Variants in METTL15 observed in about 807,000 individuals in gnomAD.
METTL15 encodes the protein 12S rRNA N(4)-cytidine methyltransferase METTL15.
A neutral mutation model predicts 38.3 loss-of-function variants in METTL15; 34 were observed. That is an observed-to-expected ratio of 0.89 (90% CI 0.68 to 1.18). The LOEUF (loss-of-function observed/expected upper bound fraction) is 1.18. Among genes scored for constraint, METTL15 ranks in the 50% most tolerant of loss-of-function variants. The pLI, the probability that METTL15 is intolerant of heterozygous loss-of-function variation, is 0.00. For synonymous variants in METTL15, 162 were observed against 170.9 expected, an observed-to-expected ratio of 0.95 and a Z score of 0.41; for missense variants, 438 against 498.4, an observed-to-expected ratio of 0.88 and a Z score of 1.15.
intron 5 of METTL15, among the ~76,000 whole-genome samples, chr11:28,399,363 G>A (rs1850607454): frequency 1.3e-5 from 2 of 151,954 alleles, no homozygotes; most frequent in South Asian, 4.1e-4. Flanking sequence ...TATTTTTCAT[G>A]CATCAAGACT....
chr11:28,214,194 C>T (rs1852767594), intron 4 of METTL15, among the ~76,000 whole-genome samples: 1 of 151,870 alleles, frequency 6.6e-6, no homozygotes, highest in Non-Finnish European at 1.5e-5. Context: ...AGGTATGCAC[C>T]TGTCTAATTT....
chr11:28,387,549 T>C (rs1850453814), intron 5 of METTL15, among the ~76,000 whole-genome samples: 2 of 151,930 alleles, frequency 1.3e-5, no homozygotes, highest in Admixed American at 1.3e-4. Context: ...AAATCGGTAA[T>C]TAAAAACCTC....
intron 3 of METTL15, among the ~76,000 whole-genome samples, chr11:28,183,878 C>A (rs1048872829): frequency 1.3e-5 from 2 of 152,008 alleles, no homozygotes; most frequent in Non-Finnish European, 2.9e-5. Flanking sequence ...GCTGTGAATT[C>A]GTCTGGTTCT....
chr11:28,317,038 TCTTTC>T (rs1467931127), intron 6 of METTL15, among the ~76,000 whole-genome samples: 4 of 152,240 alleles, frequency 2.6e-5, no homozygotes, highest in Admixed American at 2.0e-4. Context: ...AAATTTCAGT[TCTTTC>T]CTTTAATTCT....
At chr11:28,439,944 T>TA (rs1327434362) in intron 6 of METTL15, among the ~76,000 whole-genome samples, 5 of 152,192 alleles carry the variant, frequency 3.3e-5, no homozygotes, top group Admixed American at 1.3e-4. Context: ...TTAGTTGGCT[T>TA]AACTGTCTTC....
chr11:28,217,794 A>C (rs1311350831), intron 4 of METTL15, among the ~76,000 whole-genome samples: 1 of 152,190 alleles, frequency 6.6e-6, no homozygotes, highest in African/African-American at 2.4e-5. Flanking sequence ...CAGTTTTCCC[A>C]GCACCATTTA....
chr11:28,446,846 C>T (rs1219643682), intron 6 of METTL15, among the ~76,000 whole-genome samples: 2 of 152,124 alleles, frequency 1.3e-5, no homozygotes, highest in South Asian at 4.1e-4. Flanking sequence ...ATCACATTCC[C>T]CAAACTGAAC....
intron 6 of METTL15, among the ~76,000 whole-genome samples, chr11:28,425,864 A>G (rs1850859154): frequency 6.6e-6 from 1 of 152,146 alleles, no homozygotes; most frequent in African/African-American, 2.4e-5. Flanking sequence ...TAGCTTTAAG[A>G]TTGGGTTTTG....
intron 3 of METTL15, among the ~76,000 whole-genome samples, chr11:28,347,858 C>T (rs1850009029): frequency 6.6e-6 from 1 of 152,234 alleles, no homozygotes; most frequent in South Asian, 2.1e-4. Flanking sequence ...TTCCTAACAT[C>T]TCTAAGCAGA....
chr11:28,117,385 G>T (rs986676563), intron 3 of METTL15, among the ~76,000 whole-genome samples: 17 of 151,184 alleles, frequency 1.1e-4, no homozygotes, highest in Non-Finnish European at 1.6e-4. Context: ...GAAGCACATT[G>T]TATTAGTTTA....
At chr11:28,300,608 C>T (rs1469388930) in intron 6 of METTL15, among the ~76,000 whole-genome samples, 1 of 152,110 alleles carries the variant, frequency 6.6e-6, no homozygotes, top group African/African-American at 2.4e-5. Flanking sequence ...ATTATCAAAG[C>T]AGTAATTTAT....
intron 6 of METTL15, among the ~76,000 whole-genome samples, chr11:28,490,457 A>G (rs1421065259): frequency 2.0e-5 from 3 of 152,130 alleles, no homozygotes; most frequent in Non-Finnish European, 4.4e-5. Context: ...ATAAAGCTCC[A>G]ATGCCATGGA....
chr11:28,277,217 A>G (rs192250536), intron 4 of METTL15, among the ~76,000 whole-genome samples: 201 of 152,322 alleles, frequency 1.3e-3, no homozygotes, highest in African/African-American at 4.8e-3. Context: ...CAATCCAGCA[A>G]TACCCCTGCT....
intron 3 of METTL15, among the ~76,000 whole-genome samples, chr11:28,116,271 T>C (rs572497983): frequency 6.6e-6 from 1 of 152,296 alleles, no homozygotes; most frequent in East Asian, 1.9e-4. Context: ...CTAGAAACTT[T>C]CTGATATGTA....
At chr11:28,202,375 A>G (rs1590149535) in intron 3 of METTL15, among the ~76,000 whole-genome samples, 1 of 152,210 alleles carries the variant, frequency 6.6e-6, no homozygotes, top group African/African-American at 2.4e-5. Context: ...CCATCTTGCC[A>G]CTGACTGGAA....
intron 3 of METTL15, among the ~76,000 whole-genome samples, chr11:28,174,937 TTTTTA>T (rs1396515740): frequency 8.3e-6 from 1 of 120,826 alleles, no homozygotes; most frequent in East Asian, 2.1e-4. Context: ...ATTTACTTTA[TTTTTA>T]TTTTATTATT....
intron 6 of METTL15, among the ~76,000 whole-genome samples, chr11:28,490,510 G>A (rs1851485668): frequency 6.6e-6 from 1 of 152,086 alleles, no homozygotes; most frequent in Non-Finnish European, 1.5e-5. Context: ...AATTTTGGCT[G>A]CAAATTAAAA....
At chr11:28,222,681 G>C (rs960058496) in intron 4 of METTL15, among the ~76,000 whole-genome samples, 1 of 152,002 alleles carries the variant, frequency 6.6e-6, no homozygotes, top group Non-Finnish European at 1.5e-5. Context: ...GTTCCTATTC[G>C]GCCATCTTGG....
At chr11:28,297,371 G>A (rs978041051) in intron 6 of METTL15, among the ~76,000 whole-genome samples, 1 of 151,808 alleles carries the variant, frequency 6.6e-6, no homozygotes, top group African/African-American at 2.4e-5. Flanking sequence ...TAATATTTTG[G>A]GCAAAAGGAG....
Sources: gnomAD v4.1 joint callset for allele counts (sites outside exome capture counted in the v4.1 genomes callset) on GRCh38, gnomAD v4.1.1 for gene constraint, MANE v1.5 for transcripts, NCBI Gene and HGNC (gene_info 2026-07-23, HGNC 2026-07-21) for gene names.